CIDEC: variants seen among roughly 807,000 people sequenced by gnomAD.
CIDEC encodes the protein lipid transferase CIDEC.
A neutral mutation model predicts 21.9 loss-of-function variants in CIDEC; 11 were observed. That is an observed-to-expected ratio of 0.50 (90% CI 0.32 to 0.83). The LOEUF is 0.83. Ranked by LOEUF, CIDEC falls within the 40% of genes least tolerant of loss-of-function variation. The probability of loss-of-function intolerance (pLI) is 0.04; values close to 1 mark genes in which losing one functional copy is unlikely to be tolerated. For synonymous variants in CIDEC, 127 were observed against 124.9 expected (o/e 1.02, Z -0.11); for missense variants, 302 against 302.3 (o/e 1.00, Z 0.01).
intron 6 of CIDEC, among the ~76,000 whole-genome samples, chr3:9,869,588 C>A (rs912288245): frequency 3.3e-5 from 5 of 152,116 alleles, no homozygotes; most frequent in African/African-American, 9.7e-5. Flanking sequence ...TAGAAGACTA[C>A]TTAGGAAAAC....
intron 3 of CIDEC, among the ~76,000 whole-genome samples, chr3:9,877,465 C>A (rs1390019625): frequency 6.6e-6 from 1 of 152,102 alleles, no homozygotes; most frequent in Non-Finnish European, 1.5e-5. Context: ...TTCAAGACCA[C>A]CCTGGCTAAC....
At chr3:9,876,212 G>A (rs530270007) in intron 4 of CIDEC, among the ~76,000 whole-genome samples, 8 of 152,324 alleles carry the variant, frequency 5.3e-5, no homozygotes, top group Middle Eastern at 3.4e-3. Context: ...GGTGGCTGAC[G>A]CCTATAATCC....
Position 9,869,940 on chromosome 3 carries a change from A to G in CIDEC, c.496T>C (p.Tyr166His). 1 of 1,614,156 alleles carries G rather than the reference A, an allele frequency of 6.2e-7. No homozygotes were observed. Among genetic ancestry groups the G allele is most frequent in the Non-Finnish European group, 8.5e-7 (1 of 1,180,042 alleles). The change falls in exon 6 of 7, where the codon TAT becomes CAT. Residue 166 changes from tyrosine to histidine, a missense_variant. Tyr to His is a moderately conservative substitution (Grantham distance 83). Coordinates refer to ENST00000336832, the MANE Select transcript of CIDEC (RefSeq NM_001321142.2). ...TCATAGGAAAGGGAGTATGTATCAT[A>G]AAAAGTCGCCTTCACGTTCAGGCAG... is the stretch of plus-strand genomic sequence containing the variant. ...IGCLNVKATFYDTYSLSYDLH... is the reference protein window; with the variant it reads ...IGCLNVKATFHDTYSLSYDLH...
At chr3:9,867,791 G>A (rs1483298263) in intron 6 of CIDEC, among the ~76,000 whole-genome samples, 3 of 152,174 alleles carry the variant, frequency 2.0e-5, no homozygotes, top group Admixed American at 6.6e-5. Context: ...TTAGCCGGGC[G>A]TGGTGGCAGA....
At chr3:9,874,113 A>T (rs942261726) in intron 4 of CIDEC, among the ~76,000 whole-genome samples, 2 of 152,216 alleles carry the variant, frequency 1.3e-5, no homozygotes, top group Non-Finnish European at 2.9e-5. Flanking sequence ...GGGACATGAT[A>T]AAAAGATGTT....
intron 4 of CIDEC, among the ~76,000 whole-genome samples, chr3:9,873,399 C>T (rs576926604): frequency 4.0e-4 from 61 of 152,238 alleles, no homozygotes; most frequent in African/African-American, 1.3e-3. Flanking sequence ...AGGTGGATCA[C>T]GAGGTCAGGA....
intron 4 of CIDEC, among the ~76,000 whole-genome samples, chr3:9,870,950 C>CTT (rs200670875): frequency 7.0e-6 from 1 of 142,804 alleles, no homozygotes; most frequent in Non-Finnish European, 1.5e-5. Context: ...ATAATTCATT[C>CTT]TTTTTTTTTT....
chr3:9,878,997 T>A lies in CIDEC; in HGVS notation c.-81A>T, dbSNP rs775411356. On this transcript the variant is annotated 5_prime_UTR_variant, in exon 2 of 7. An upstream start codon of the reference 5' UTR is lost. Coordinates refer to ENST00000336832, the MANE Select transcript of CIDEC (RefSeq NM_001321142.2). Reference sequence around the variant, plus strand: ...CCCAGTCAAAGCCTCCTCTCTCCCATGGGTCCTTGAGCAATCCGAGCCCCT... The same window carrying A: ...CCCAGTCAAAGCCTCCTCTCTCCCAAGGGTCCTTGAGCAATCCGAGCCCCT... 19 of 643,228 alleles carry A rather than the reference T, an allele frequency of 3.0e-5. No homozygotes were observed. Among genetic ancestry groups the A allele is most frequent in the Middle Eastern group, 5.5e-4 (2 of 3,620 alleles). 39.8% of individuals were successfully genotyped at this position (643,228 alleles called of 1,614,324 possible).
chr3:9,878,387 C>G (rs1440742199), intron 3 of CIDEC, 47 bp downstream of exon 3: 1 of 1,404,362 alleles, frequency 7.1e-7, no homozygotes, highest in Non-Finnish European at 1.0e-6. Context: ...TTCTGGCTTA[C>G]AGCTCATAGG....
At chr3:9,870,592 A>T (rs1041916824) in intron 4 of CIDEC, 4 of 910,504 alleles carry the variant, frequency 4.4e-6, no homozygotes, top group Non-Finnish European at 6.7e-6. Flanking sequence ...GTTTTTTAGT[A>T]TATTCGCAAA....
chr3:9,868,077 A>G (rs2082297802), intron 6 of CIDEC, among the ~76,000 whole-genome samples: 1 of 152,224 alleles, frequency 6.6e-6, no homozygotes, highest in Non-Finnish European at 1.5e-5. Context: ...TGGTAGCACT[A>G]AAAGCATTTC....
chr3:9,878,709 C>T, intron 2 of CIDEC, 198 bp from the exon 3 acceptor site: 1 of 1,519,382 alleles, frequency 6.6e-7, no homozygotes, highest in Non-Finnish European at 8.8e-7. Flanking sequence ...GAGACCCCAC[C>T]CCTCTCCCCA....
At chr3:9,876,188 G>T (rs2082419911) in intron 4 of CIDEC, among the ~76,000 whole-genome samples, 1 of 152,232 alleles carries the variant, frequency 6.6e-6, no homozygotes, top group Non-Finnish European at 1.5e-5. Flanking sequence ...GAGATGATCA[G>T]TGAGGACAGG....
intron 6 of CIDEC, 144 bp from the exon 7 acceptor site, chr3:9,867,440 C>T (rs536362872): frequency 2.3e-5 from 18 of 784,620 alleles, no homozygotes; most frequent in African/African-American, 1.7e-4. Flanking sequence ...GCCAACATGG[C>T]GAATCTCTGT....
chr3:9,874,998 G>A (rs903969538), intron 4 of CIDEC, among the ~76,000 whole-genome samples: 2 of 152,078 alleles, frequency 1.3e-5, no homozygotes, highest in African/African-American at 2.4e-5. Context: ...CTCCCAAAGT[G>A]TTAGGATTAC....
chr3:9,867,684 T>G (rs537191380), intron 6 of CIDEC, among the ~76,000 whole-genome samples: 2 of 151,030 alleles, frequency 1.3e-5, no homozygotes, highest in Non-Finnish European at 2.9e-5. Flanking sequence ...TCCTATAACT[T>G]TAGGTGGCCG....
At chr3:9,871,375 C>G (rs1469657992) in intron 4 of CIDEC, among the ~76,000 whole-genome samples, 6 of 131,746 alleles carry the variant, frequency 4.6e-5, no homozygotes, top group Non-Finnish European at 9.5e-5. Flanking sequence ...TTGGTGGAGA[C>G]AGGGTGCTGC....
At chr3:9,874,369 A>C (rs1559251187) in intron 4 of CIDEC, among the ~76,000 whole-genome samples, 1 of 151,784 alleles carries the variant, frequency 6.6e-6, no homozygotes, top group Non-Finnish European at 1.5e-5. Context: ...AAAAATTAAA[A>C]ATTAGGTGTG....
chr3:9,867,919 G>A (rs545219838), intron 6 of CIDEC, among the ~76,000 whole-genome samples: 7 of 152,144 alleles, frequency 4.6e-5, no homozygotes, highest in African/African-American at 9.7e-5. Context: ...GACAGAGTGA[G>A]TCTCTGTCTC....
Sources: allele counts gnomAD v4.1 joint callset (sites outside exome capture counted in the v4.1 genomes callset), GRCh38; gene constraint gnomAD v4.1.1; transcripts MANE v1.5; gene names NCBI Gene and HGNC (gene_info 2026-07-23, HGNC 2026-07-21).